FRMPD4: variants seen among roughly 807,000 people sequenced by gnomAD.
FRMPD4 encodes FERM and PDZ domain-containing protein 4.
In FRMPD4, 22 loss-of-function variants were observed where a neutral mutation model predicts 94.1. The ratio of observed to expected loss-of-function variants is 0.23; its 90% CI spans 0.17 to 0.33. The LOEUF is 0.33. Among genes scored for constraint, FRMPD4 ranks in the 10% least tolerant of loss-of-function variants. The pLI, the probability that FRMPD4 is intolerant of heterozygous loss-of-function variation, is 1.00. For missense variants in FRMPD4, 1,111 were observed against 1,339.9 expected, an observed-to-expected ratio of 0.83 and a Z score of 2.67; for synonymous variants, 631 against 548.6, an observed-to-expected ratio of 1.15 and a Z score of -2.10.
chrX:12,206,628 G>A (rs1043195475), intron 1 of FRMPD4, among the ~76,000 whole-genome samples: 2 of 112,096 alleles, frequency 1.8e-5, no homozygotes, highest in Non-Finnish European at 3.8e-5. Context: ...GGTCTCAGAT[G>A]CAGCAGTGCT....
chrX:12,592,298 G>C (rs927847392), intron 2 of FRMPD4, among the ~76,000 whole-genome samples: 1 of 111,543 alleles, frequency 9.0e-6, no homozygotes, highest in Non-Finnish European at 1.9e-5. Flanking sequence ...CTGGGTCTTT[G>C]GGTCTTCATT....
intron 1 of FRMPD4, among the ~76,000 whole-genome samples, chrX:12,207,512 G>A (rs937138945): frequency 2.6e-4 from 29 of 109,958 alleles, no homozygotes; most frequent in South Asian, 4.0e-4. Context: ...TGTAAAAATC[G>A]TTGTTTGAAA....
intron 4 of FRMPD4, among the ~76,000 whole-genome samples, chrX:12,673,005 G>A (rs1461685787): frequency 2.7e-5 from 3 of 111,895 alleles, no homozygotes; most frequent in African/African-American, 9.8e-5. Flanking sequence ...TGTTTACTCT[G>A]GTGCTCAGTC....
intron 1 of FRMPD4, among the ~76,000 whole-genome samples, chrX:12,491,216 A>C (rs1222301085): frequency 8.9e-6 from 1 of 111,837 alleles, no homozygotes; most frequent in Non-Finnish European, 1.9e-5. Context: ...TGAAAGTAAT[A>C]TATATTCACT....
intron 3 of FRMPD4, among the ~76,000 whole-genome samples, chrX:11,911,979 G>C (rs920611471): frequency 8.9e-6 from 1 of 111,733 alleles, no homozygotes; most frequent in Non-Finnish European, 1.9e-5. Context: ...GGCTCTGTTT[G>C]TGGGTTTAAT....
intron 1 of FRMPD4, among the ~76,000 whole-genome samples, chrX:12,426,439 C>A (rs1481910874): frequency 9.0e-6 from 1 of 111,364 alleles, no homozygotes. Context: ...ACTGATTATT[C>A]ATGGAATGGG....
Position 12,506,040 on chromosome X carries a change from A to G in FRMPD4, c.158+7244A>G, listed in dbSNP as rs192784754. ...AGCATGCCCTCCGGCTGCTCCATAA[A>G]CACAGGTTTGGCATTAGGTGTTCAG... On this transcript the variant is annotated intron_variant, in intron 2 of 16. Coordinates refer to ENST00000675598, the MANE Select transcript of FRMPD4 (RefSeq NM_001368397.1). 3.6e-4 allele frequency among the ~76,000 whole-genome samples: 40 copies of G among 111,733 alleles called. No homozygotes were observed. The East Asian group carries it at 0.01, about 29-fold the overall frequency.
intron 1 of FRMPD4, among the ~76,000 whole-genome samples, chrX:12,275,845 T>G (rs1363641615): frequency 9.0e-6 from 1 of 111,638 alleles, no homozygotes; most frequent in Middle Eastern, 4.6e-3. Flanking sequence ...GGAGATCAGT[T>G]CCACTTAACC....
intron 3 of FRMPD4, among the ~76,000 whole-genome samples, chrX:12,021,295 A>G (rs1223903012): frequency 8.9e-6 from 1 of 111,913 alleles, no homozygotes; most frequent in African/African-American, 3.2e-5. Context: ...AGTGATATAT[A>G]AAAACACTTC....
intron 3 of FRMPD4, among the ~76,000 whole-genome samples, chrX:12,036,411 TA>T (rs2147438126): frequency 9.0e-6 from 1 of 111,613 alleles, no homozygotes; most frequent in East Asian, 2.8e-4. Context: ...AAAATTGTTA[TA>T]AAAAATATTA....
chrX:12,716,723 G>T lies in FRMPD4; in HGVS notation c.2264G>T (p.Ser755Ile), dbSNP rs1761398942. 1 of 1,209,921 alleles carries T rather than the reference G, an allele frequency of 8.3e-7. No individual in the cohort carries two copies. The highest frequency in any genetic ancestry group is 2.2e-5 in the Admixed American group (1 of 45,885). ...GACGCGGAGGACGAGGACGAGGTGA[G>T]CTGCGAGGAGGACCTCGTGGTGGGG... ...TDDAEDEDEV[S>I]CEEDLVVGEM... The change falls in exon 15 of 17, where the codon AGC (serine) becomes ATC (isoleucine). Residue 755 changes from serine to isoleucine, a missense_variant. Coordinates refer to ENST00000675598, the MANE Select transcript of FRMPD4 (RefSeq NM_001368397.1).
At chrX:12,559,476 G>C (rs371406339) in intron 2 of FRMPD4, among the ~76,000 whole-genome samples, 3 of 110,386 alleles carry the variant, frequency 2.7e-5, no homozygotes, top group South Asian at 3.9e-4. Context: ...ATAGTGAAAC[G>C]CCATCTCTAC....
rs1331976054 is a variant in FRMPD4, at chrX:12,721,646, A to C, written c.5077A>C (p.Lys1693Gln). ...AACAGAAGCTTGCATGCGATTAGTTAAAGTCGTGAACTCAGAAACACAGCG... is the reference window on the plus strand; with the variant it reads ...AACAGAAGCTTGCATGCGATTAGTTCAAGTCGTGAACTCAGAAACACAGCG... The part of the protein sequence containing the change: ...CLTEACMRLV[K>Q]VVNSETQRQE... The change falls in exon 17 of 17, where the codon AAA (lysine) becomes CAA (glutamine). Residue 1693 changes from lysine to glutamine, a missense_variant. Transcript: ENST00000675598. 2.7e-6 allele frequency: 2 copies of C among 751,793 alleles called. No homozygotes were observed. Among genetic ancestry groups the C allele is most frequent in the Non-Finnish European group, 3.1e-6 (2 of 636,685 alleles). 62.0% of individuals were successfully genotyped at this position (751,793 alleles called of 1,213,427 possible). A position where few individuals can be genotyped will look rare whatever the true frequency, so the allele number is the denominator to read the frequency against.
intron 1 of FRMPD4, among the ~76,000 whole-genome samples, chrX:12,465,120 A>T (rs1157864971): frequency 9.0e-6 from 1 of 111,259 alleles, no homozygotes; most frequent in African/African-American, 3.3e-5. Context: ...ATTTTTTTTC[A>T]AGTGATTGCC....
intron 1 of FRMPD4, among the ~76,000 whole-genome samples, chrX:12,255,690 A>G (rs898080746): frequency 6.2e-5 from 7 of 112,141 alleles, no homozygotes; most frequent in African/African-American, 2.3e-4. Flanking sequence ...CAAAATTATC[A>G]TTCTCCAGTG....
intron 4 of FRMPD4, among the ~76,000 whole-genome samples, chrX:12,659,869 A>G (rs890143822): frequency 5.3e-5 from 6 of 112,675 alleles, no homozygotes; most frequent in Non-Finnish European, 3.7e-5. Flanking sequence ...AATTAAATGG[A>G]CAAAAATTAG....
intron 5 of FRMPD4, among the ~76,000 whole-genome samples, chrX:12,678,239 C>A (rs1207786516): frequency 1.8e-5 from 2 of 112,468 alleles, no homozygotes; most frequent in Non-Finnish European, 3.7e-5. Flanking sequence ...CCTTTCACAT[C>A]GTCTTTATTG....
Position 12,718,223 on chromosome X carries a change from G to T in FRMPD4, c.3397G>T (p.Ala1133Ser). 8.3e-7 allele frequency: 1 copy of T among 1,210,093 alleles called. No homozygotes were observed. Among genetic ancestry groups the T allele is most frequent in the East Asian group, 3.0e-5 (1 of 33,840 alleles). The change falls in exon 16 of 17, where the codon GCT (alanine) becomes TCT (serine). Residue 1133 changes from alanine to serine, a missense_variant. Coordinates refer to ENST00000675598, the MANE Select transcript of FRMPD4 (RefSeq NM_001368397.1). ...GGAGGCCGAAGGGAAGGAAGAAGGA[G>T]CTCCTGATGGAGAAACCAGTGATGG... The part of the protein sequence containing the change: ...AREAEGKEEG[A>S]PDGETSDGSG...
chrX:11,837,451 A>C (rs2053507395), intron 1 of FRMPD4, among the ~76,000 whole-genome samples: 2 of 111,691 alleles, frequency 1.8e-5, no homozygotes, highest in Admixed American at 1.9e-4. Context: ...AAAAAAGCTT[A>C]GGTTCCTAAG....
Sources: allele counts gnomAD v4.1 joint callset (sites outside exome capture counted in the v4.1 genomes callset), GRCh38; gene constraint gnomAD v4.1.1; transcripts MANE v1.5; gene names NCBI Gene and HGNC (gene_info 2026-07-23, HGNC 2026-07-21).